CTNNA3: variants seen among roughly 807,000 people sequenced by gnomAD.
CTNNA3 encodes the protein catenin alpha-3.
CTNNA3 carries 76 observed loss-of-function variants against 95.7 expected under a neutral mutation model. The observed-to-expected ratio is 0.79, with a 90% CI of 0.66 to 0.96. The LOEUF (loss-of-function observed/expected upper bound fraction) is 0.96. Among genes scored for constraint, CTNNA3 ranks in the 40% least tolerant of loss-of-function variants. CTNNA3 has a pLI of 0.00. For missense variants in CTNNA3, 1,191 were observed against 1,089.8 expected (o/e 1.09, Z -1.31); for synonymous variants, 431 against 374.4 (o/e 1.15, Z -1.74).
At chr10:66,720,606 G>A (rs545036177) in intron 9 of CTNNA3, among the ~76,000 whole-genome samples, 7 of 152,252 alleles carry the variant, frequency 4.6e-5, no homozygotes, top group Non-Finnish European at 4.4e-5. Flanking sequence ...ACTCAGGCGG[G>A]TGGATCACCT....
At chr10:66,002,894 A>G (rs2078797835) in intron 15 of CTNNA3, among the ~76,000 whole-genome samples, 1 of 152,230 alleles carries the variant, frequency 6.6e-6, no homozygotes, top group Non-Finnish European at 1.5e-5. Context: ...AGGTTTTGTG[A>G]ACTCACAGCA....
At chr10:66,032,828 C>T (rs2079474863) in intron 15 of CTNNA3, among the ~76,000 whole-genome samples, 1 of 152,056 alleles carries the variant, frequency 6.6e-6, no homozygotes, top group Non-Finnish European at 1.5e-5. Context: ...AAGGCATATT[C>T]ATGTATATTA....
chr10:67,538,466 C>T (rs2133200369), intron 4 of CTNNA3, among the ~76,000 whole-genome samples: 1 of 151,610 alleles, frequency 6.6e-6, no homozygotes, highest in African/African-American at 2.4e-5. Context: ...GCCTGTAATC[C>T]CGCTATTCAG....
chr10:66,580,119 C>A (rs1843136180), intron 10 of CTNNA3, among the ~76,000 whole-genome samples: 2 of 151,656 alleles, frequency 1.3e-5, no homozygotes, highest in South Asian at 2.1e-4. Flanking sequence ...TCTGTCTCCT[C>A]TGTTCAGCTA....
At chr10:66,596,081 G>T (rs1178218133) in intron 10 of CTNNA3, among the ~76,000 whole-genome samples, 1 of 152,038 alleles carries the variant, frequency 6.6e-6, no homozygotes, top group Non-Finnish European at 1.5e-5. Context: ...CTTCCAAGGA[G>T]ACCCACTTCT....
chr10:67,036,962 C>T (rs1232473759), intron 7 of CTNNA3, among the ~76,000 whole-genome samples: 1 of 152,050 alleles, frequency 6.6e-6, no homozygotes, highest in Non-Finnish European at 1.5e-5. Context: ...TGGTTGACAA[C>T]CCAAAGGGAG....
At chr10:67,373,374 A>C (rs1240026906) in intron 5 of CTNNA3, among the ~76,000 whole-genome samples, 1 of 152,250 alleles carries the variant, frequency 6.6e-6, no homozygotes, top group Non-Finnish European at 1.5e-5. Flanking sequence ...AAAAGAGACA[A>C]AGAAGGCCAT....
intron 11 of CTNNA3, among the ~76,000 whole-genome samples, chr10:66,470,928 T>G (rs1257642404): frequency 6.6e-6 from 1 of 151,922 alleles, no homozygotes; most frequent in Non-Finnish European, 1.5e-5. Context: ...AAGAAAAAAG[T>G]GAGAGAAGCT....
intron 1 of CTNNA3, among the ~76,000 whole-genome samples, chr10:67,712,290 AT>A (rs1261119400): frequency 2.6e-5 from 4 of 152,228 alleles, no homozygotes; most frequent in Admixed American, 6.5e-5. Flanking sequence ...AGAAAAGAAA[AT>A]CCCATTTTCT....
intron 7 of CTNNA3, among the ~76,000 whole-genome samples, chr10:67,121,807 G>A (rs1366315172): frequency 6.6e-6 from 1 of 151,784 alleles, no homozygotes; most frequent in Non-Finnish European, 1.5e-5. Flanking sequence ...CCATCTAAAA[G>A]GGACAACTAC....
chr10:67,289,926 A>G (rs1839767149), intron 5 of CTNNA3, among the ~76,000 whole-genome samples: 1 of 151,908 alleles, frequency 6.6e-6, no homozygotes, highest in Non-Finnish European at 1.5e-5. Flanking sequence ...CAGCCTCCCA[A>G]CTACCTAGGA....
chr10:67,212,610 AT>A (rs1324781573), intron 6 of CTNNA3, among the ~76,000 whole-genome samples: 1 of 151,960 alleles, frequency 6.6e-6, no homozygotes, highest in Non-Finnish European at 1.5e-5. Context: ...GAAACCCTTT[AT>A]CAAGAAAACT....
chr10:65,917,197 C>A lies in CTNNA3; in HGVS notation c.*3133G>T, dbSNP rs947585810. On this transcript the variant is annotated 3_prime_UTR_variant, in exon 18 of 18. Transcript: ENST00000433211. ...CTTGTGAATGTGAAGGCTATATTGT[C>A]TTTTCTAATACATTTGCAATTTGCA... The A allele has an allele frequency of 4.6e-5, 7 of 152,102 alleles. No homozygotes were observed. The highest frequency in any genetic ancestry group is 1.0e-4 in the Non-Finnish European group (7 of 68,010). 9.4% of individuals were successfully genotyped at this position (152,102 alleles called of 1,614,324 possible). A position where few individuals can be genotyped will look rare whatever the true frequency, so the allele number is the denominator to read the frequency against.
chr10:66,708,624 C>T (rs1217541720), intron 9 of CTNNA3, among the ~76,000 whole-genome samples: 1 of 151,968 alleles, frequency 6.6e-6, no homozygotes, highest in Non-Finnish European at 1.5e-5. Context: ...ACAATTCAGC[C>T]CATAACAAGA....
chr10:67,268,345 A>G (rs1720307887), intron 5 of CTNNA3, among the ~76,000 whole-genome samples: 1 of 151,008 alleles, frequency 6.6e-6, no homozygotes, highest in South Asian at 2.1e-4. Flanking sequence ...AAATTAAATT[A>G]AATTAAATTA....
chr10:66,689,777 GA>G (rs1847447781), intron 9 of CTNNA3, among the ~76,000 whole-genome samples: 1 of 152,136 alleles, frequency 6.6e-6, no homozygotes, highest in African/African-American at 2.4e-5. Context: ...GAAAAGTAAT[GA>G]GAAGACCAAT....
At chr10:67,277,670 A>G (rs1270675657) in intron 5 of CTNNA3, among the ~76,000 whole-genome samples, 2 of 152,140 alleles carry the variant, frequency 1.3e-5, no homozygotes, top group Non-Finnish European at 2.9e-5. Context: ...TGGGGTAAAG[A>G]AGCCGGCCAA....
chr10:67,663,512 C>T (rs1840250480), intron 1 of CTNNA3, among the ~76,000 whole-genome samples: 2 of 152,054 alleles, frequency 1.3e-5, no homozygotes, highest in African/African-American at 4.8e-5. Flanking sequence ...CTTCCCTGTG[C>T]TCCTCTGCAC....
rs532745441 is a variant in CTNNA3, at chr10:66,525,259, G to A, written c.1375-4486C>T. On this transcript the variant is annotated intron_variant, in intron 10 of 17. Transcript: ENST00000433211. The stretch of plus-strand genomic sequence containing the variant: ...ACTGTTTTTGAGAGTATCCTATTTT[G>A]GATTACAAGGCCACAGAAATGCTAA... Among the ~76,000 whole-genome samples, 113 of 151,804 alleles carry A rather than the reference G, an allele frequency of 7.4e-4. 1 individual carries two copies. The highest frequency in any genetic ancestry group is 3.4e-3 in the Middle Eastern group (1 of 294).
Sources: allele counts gnomAD v4.1 joint callset (sites outside exome capture counted in the v4.1 genomes callset), GRCh38; gene constraint gnomAD v4.1.1; transcripts MANE v1.5; gene names NCBI Gene and HGNC (gene_info 2026-07-23, HGNC 2026-07-21).